The following SYNE1 variants were observed in gnomAD, a reference collection of about 807,000 sequenced individuals.
The protein encoded by SYNE1 is nesprin-1.
Under a neutral mutation model 1,111.0 loss-of-function variants are expected in SYNE1, and 616 were observed. The observed-to-expected ratio is 0.55, with a 90% CI of 0.52 to 0.59. SYNE1 has a LOEUF of 0.59. Among genes scored for constraint, SYNE1 ranks in the 20% least tolerant of loss-of-function variants. SYNE1 has a pLI of 0.00. For synonymous variants in SYNE1, 3,855 were observed against 3,825.8 expected (o/e 1.01, Z -0.28); for missense variants, 10,006 against 10,417.0 (o/e 0.96, Z 1.72).
chr6:152,255,456 A>T (rs9397495), intron 103 of SYNE1, 135 bp downstream of exon 103: 2 of 1,069,308 alleles, frequency 1.9e-6, no homozygotes, highest in Non-Finnish European at 1.4e-6. Context: ...AATATTCTGC[A>T]TTTAAGCAAT....
intron 11 of SYNE1, among the ~76,000 whole-genome samples, chr6:152,497,080 A>G (rs12202199): frequency 0.48 from 73,160 of 151,844 alleles, 18,441 homozygotes; most frequent in East Asian, 0.76. Flanking sequence ...TCCTTTTTCA[A>G]ACTCAGTCTG....
intron 82 of SYNE1, among the ~76,000 whole-genome samples, chr6:152,322,412 A>G (rs914198819): frequency 2.6e-5 from 4 of 152,186 alleles, no homozygotes; most frequent in Non-Finnish European, 5.9e-5. Context: ...GTGAAATGCA[A>G]GGACATGAAT....
chr6:152,331,256 T>C lies in SYNE1; in HGVS notation c.13429A>G (p.Met4477Val), dbSNP rs1304589023. ...AACAGACAGATGTGTTCACGGAACA[T>C]TATCTTTCGCTCATGTTGCTGAATT... is the stretch of plus-strand genomic sequence containing the variant. ...SQIQQHERKI[M>V]FREHICLLPD... is the part of the protein sequence containing the mutation. The change falls in exon 78 of 146, where the codon ATG becomes GTG. Residue 4477 changes from methionine to valine, a missense_variant. By Grantham distance (21) the Met-to-Val change is conservative (BLOSUM62 1). Transcript: ENST00000367255. 3.1e-6 allele frequency: 5 copies of C among 1,613,996 alleles called. No individual in the cohort carries two copies. The highest frequency in any genetic ancestry group is 4.2e-6 in the Non-Finnish European group (5 of 1,180,042).
chr6:152,413,458 C>G lies in SYNE1; in HGVS notation c.6124G>C (p.Ala2042Pro). 1.2e-6 allele frequency: 2 copies of G among 1,614,178 alleles called. No individual in the cohort carries two copies. The highest frequency in any genetic ancestry group is 1.7e-6 in the Non-Finnish European group (2 of 1,180,022). Reference protein sequence around the residue: ...EHELCWLKDKAKQIAQKDVAF... With the variant: ...EHELCWLKDKPKQIAQKDVAF... ...ACATCTTTCTGGGCAATTTGCTTGG[C>G]TTTGTCTTTCAACCAACATAGTTCA... Residue 2042 changes from alanine (A) to proline (P), a missense_variant, in exon 42 of 146, where the codon GCC becomes CCC. This residue lies in a region of SYNE1 where 4,955 missense variants were observed against 5,017.2 expected (regional missense o/e 0.99). Coordinates refer to ENST00000367255, the MANE Select transcript of SYNE1 (RefSeq NM_182961.4).
chr6:152,234,581 G>A (rs1053748202), intron 111 of SYNE1, 87 bp downstream of exon 111: 9 of 1,528,586 alleles, frequency 5.9e-6, no homozygotes, highest in South Asian at 1.1e-5. Flanking sequence ...GTGAGCCACC[G>A]CACCCGGCCT....
intron 3 of SYNE1, among the ~76,000 whole-genome samples, chr6:152,577,637 A>G (rs1274954749): frequency 1.3e-5 from 2 of 152,160 alleles, no homozygotes; most frequent in Non-Finnish European, 2.9e-5. Flanking sequence ...CATCTCAACG[A>G]CAACAAAAGA....
At chr6:152,252,605 C>T (rs2089657686) in intron 104 of SYNE1, among the ~76,000 whole-genome samples, 1 of 152,188 alleles carries the variant, frequency 6.6e-6, no homozygotes, top group Admixed American at 6.5e-5. Context: ...AGAATGAAGG[C>T]ATACCCTTCC....
At chr6:152,416,063 G>C (rs1192779790) in intron 41 of SYNE1, among the ~76,000 whole-genome samples, 1 of 152,198 alleles carries the variant, frequency 6.6e-6, no homozygotes, top group East Asian at 1.9e-4. Flanking sequence ...TGTGTTGCAA[G>C]AGAAAAGAAG....
rs41292868 is a variant in SYNE1, at chr6:152,176,365, C to T, written c.23627+29G>A. 0.053 allele frequency: 85,141 copies of T among 1,613,256 alleles called. 2,641 individuals carry two copies. The highest frequency in any genetic ancestry group is 0.083 in the Middle Eastern group (475 of 5,756). ...GAAAGGCTTTAAAATACTGCCCACA[C>T]GTGCCCTATTGACTCAGGTCCTCTT... On this transcript the variant is annotated intron_variant, in intron 130 of 145. Transcript: ENST00000367255.
At chr6:152,372,061 T>C (rs1385605715) in intron 59 of SYNE1, among the ~76,000 whole-genome samples, 1 of 152,072 alleles carries the variant, frequency 6.6e-6, no homozygotes, top group Non-Finnish European at 1.5e-5. Context: ...AAACAGGCAA[T>C]TCATGACCTA....
At chr6:152,468,701 C>T (rs540063547) in intron 16 of SYNE1, among the ~76,000 whole-genome samples, 44 of 152,168 alleles carry the variant, frequency 2.9e-4, no homozygotes, top group African/African-American at 5.1e-4. Flanking sequence ...AATATAATTA[C>T]GGAAAATTTA....
At chr6:152,463,782 T>C (rs1168968231) in intron 18 of SYNE1, among the ~76,000 whole-genome samples, 1 of 152,204 alleles carries the variant, frequency 6.6e-6, no homozygotes, top group African/African-American at 2.4e-5. Context: ...GTTATTTCTG[T>C]TTTACAGATT....
chr6:152,251,683 T>C (rs887436001), intron 104 of SYNE1, among the ~76,000 whole-genome samples: 2 of 151,056 alleles, frequency 1.3e-5, no homozygotes, highest in East Asian at 2.0e-4. Context: ...GGCGTGAACC[T>C]GGGAGGCGGA....
intron 11 of SYNE1, among the ~76,000 whole-genome samples, chr6:152,490,600 T>A (rs1168569541): frequency 6.6e-6 from 1 of 152,094 alleles, no homozygotes; most frequent in Non-Finnish European, 1.5e-5. Context: ...GACTGTAATT[T>A]TCCACTACCC....
At chr6:152,306,545 T>C (rs1421523901) in intron 91 of SYNE1, among the ~76,000 whole-genome samples, 1 of 150,556 alleles carries the variant, frequency 6.6e-6, no homozygotes, top group Non-Finnish European at 1.5e-5. Context: ...AGAGTTGGTA[T>C]AAAAAAGTGA....
intron 55 of SYNE1, 79 bp downstream of exon 55, chr6:152,385,595 T>A: frequency 5.3e-6 from 8 of 1,511,812 alleles, no homozygotes; most frequent in Non-Finnish European, 7.3e-6. Flanking sequence ...AATAACAGAA[T>A]CTTATCTACA....
chr6:152,621,577 C>G (rs566402580), intron 3 of SYNE1, among the ~76,000 whole-genome samples: 1 of 149,866 alleles, frequency 6.7e-6, no homozygotes, highest in South Asian at 2.1e-4. Flanking sequence ...TATTTGTAAA[C>G]CTTTGCTTTT....
intron 87 of SYNE1, among the ~76,000 whole-genome samples, chr6:152,314,441 T>G (rs987181340): frequency 6.6e-6 from 1 of 152,188 alleles, no homozygotes. Flanking sequence ...TGAGAAGCCT[T>G]TCTGCACTTT....
intron 18 of SYNE1, 149 bp downstream of exon 18, chr6:152,465,109 G>A: frequency 1.2e-6 from 1 of 808,216 alleles, no homozygotes; most frequent in Non-Finnish European, 2.0e-6. Flanking sequence ...TTGGTCTGTT[G>A]CTAACCTGAA....
Sources: allele counts gnomAD v4.1 joint callset (sites outside exome capture counted in the v4.1 genomes callset), GRCh38; gene constraint gnomAD v4.1.1; regional missense constraint gnomAD v4.1.1; transcripts MANE v1.5; gene names NCBI Gene and HGNC (gene_info 2026-07-23, HGNC 2026-07-21).